Variants in NR3C2 observed in about 807,000 individuals in gnomAD.
NR3C2 encodes mineralocorticoid receptor.
In NR3C2, 15 loss-of-function variants were observed where a neutral mutation model predicts 86.4. The ratio of observed to expected loss-of-function variants is 0.17; its 90% CI spans 0.12 to 0.27. The LOEUF is 0.27. NR3C2 is among the 10% of genes least tolerant of loss of function. NR3C2 has a pLI of 1.00. For synonymous variants in NR3C2, 458 were observed against 450.5 expected, an observed-to-expected ratio of 1.02 and a Z score of -0.21; for missense variants, 960 against 1,195.6, an observed-to-expected ratio of 0.80 and a Z score of 2.91.
chr4:148,342,903 T>C (rs1744817617), intron 2 of NR3C2, among the ~76,000 whole-genome samples: 1 of 152,138 alleles, frequency 6.6e-6, no homozygotes, highest in South Asian at 2.1e-4. Context: ...AACTTCAAAG[T>C]GCCTGGAATG....
intron 2 of NR3C2, among the ~76,000 whole-genome samples, chr4:148,301,352 C>A (rs970933181): frequency 6.6e-6 from 1 of 152,046 alleles, no homozygotes; most frequent in Non-Finnish European, 1.5e-5. Flanking sequence ...GTAAAAACAA[C>A]CTTAAGATTA....
intron 6 of NR3C2, among the ~76,000 whole-genome samples, chr4:148,124,569 G>T (rs1018224928): frequency 5.3e-5 from 8 of 152,190 alleles, no homozygotes; most frequent in Admixed American, 5.2e-4. Flanking sequence ...GGTGCAGACT[G>T]ATTTTTAATT....
intron 3 of NR3C2, among the ~76,000 whole-genome samples, chr4:148,254,838 C>G (rs1407312182): frequency 6.6e-6 from 1 of 152,114 alleles, no homozygotes; most frequent in African/African-American, 2.4e-5. Flanking sequence ...TGCTCATAAG[C>G]TTCCTGTACA....
intron 3 of NR3C2, among the ~76,000 whole-genome samples, chr4:148,211,378 C>G (rs1737274896): frequency 1.3e-5 from 2 of 152,136 alleles, no homozygotes; most frequent in East Asian, 3.9e-4. Flanking sequence ...CTTTAAAAAG[C>G]TTTAGAATTT....
At chr4:148,444,955 C>A (rs968989190), upstream of NR3C2, 2 of 984,810 alleles carry the variant, frequency 2.0e-6, no homozygotes, top group African/African-American at 3.5e-5. Flanking sequence ...ACAGCTCCGG[C>A]GGCCGAGCGC....
intron 2 of NR3C2, among the ~76,000 whole-genome samples, chr4:148,270,013 C>A (rs372484083): frequency 3.2e-4 from 48 of 151,916 alleles, no homozygotes; most frequent in African/African-American, 1.1e-3. Context: ...ACGCTGAGGA[C>A]TGATGGGTAC....
At chr4:148,265,461 GTGT>G (rs1221819075) in intron 2 of NR3C2, among the ~76,000 whole-genome samples, 1 of 152,142 alleles carries the variant, frequency 6.6e-6, no homozygotes, top group Non-Finnish European at 1.5e-5. Context: ...CTAAGGCACC[GTGT>G]TGTTCCAGGA....
At chr4:148,193,701 T>G (rs1279531367) in intron 4 of NR3C2, among the ~76,000 whole-genome samples, 1 of 152,222 alleles carries the variant, frequency 6.6e-6, no homozygotes, top group Non-Finnish European at 1.5e-5. Flanking sequence ...ATCTGCAATA[T>G]GAAACCCATA....
intron 2 of NR3C2, among the ~76,000 whole-genome samples, chr4:148,411,145 C>T (rs1269851141): frequency 6.7e-6 from 1 of 150,138 alleles, no homozygotes; most frequent in Non-Finnish European, 1.5e-5. Context: ...CCACCACCCA[C>T]CACTGGCCCA....
chr4:148,122,050 C>G (rs926841457), intron 6 of NR3C2, among the ~76,000 whole-genome samples: 1 of 152,186 alleles, frequency 6.6e-6, no homozygotes, highest in Admixed American at 6.5e-5. Context: ...TACTTCACAT[C>G]CCCACCAATG....
chr4:148,387,745 T>A, intron 2 of NR3C2, among the ~76,000 whole-genome samples: 1 of 152,216 alleles, frequency 6.6e-6, no homozygotes, highest in Middle Eastern at 3.2e-3. Flanking sequence ...TCAGTAACTG[T>A]GGTAATCCCA....
chr4:148,346,931 G>C (rs1242721790), intron 2 of NR3C2, among the ~76,000 whole-genome samples: 4 of 152,054 alleles, frequency 2.6e-5, no homozygotes, highest in Admixed American at 2.6e-4. Flanking sequence ...GTCTCTGATA[G>C]AATTGTGGGG....
At chr4:148,318,517 C>T (rs1457190741) in intron 2 of NR3C2, among the ~76,000 whole-genome samples, 1 of 150,842 alleles carries the variant, frequency 6.6e-6, no homozygotes, top group Non-Finnish European at 1.5e-5. Flanking sequence ...TCCTATTTCT[C>T]CACATCCTCT....
intron 3 of NR3C2, among the ~76,000 whole-genome samples, chr4:148,246,538 G>C (rs1560998966): frequency 6.6e-6 from 1 of 151,984 alleles, no homozygotes; most frequent in Non-Finnish European, 1.5e-5. Flanking sequence ...TTAGGAGTAT[G>C]TTTAATTTTA....
At chr4:148,187,002 A>G (rs1315558936) in intron 4 of NR3C2, among the ~76,000 whole-genome samples, 25 of 21,890 alleles carry the variant, frequency 1.1e-3, no homozygotes, top group East Asian at 4.1e-3. Flanking sequence ...GTATGTATAT[A>G]TATATATATA....
At chr4:148,236,697 A>T (rs1202686999) in intron 3 of NR3C2, among the ~76,000 whole-genome samples, 1 of 152,228 alleles carries the variant, frequency 6.6e-6, no homozygotes, top group Non-Finnish European at 1.5e-5. Flanking sequence ...CATCACTGAT[A>T]AGGTATCACA....
intron 2 of NR3C2, among the ~76,000 whole-genome samples, chr4:148,380,373 A>C (rs1365852900): frequency 6.6e-6 from 1 of 152,214 alleles, no homozygotes; most frequent in Non-Finnish European, 1.5e-5. Context: ...GTTGATAGAC[A>C]TTTAGGTTGT....
intron 3 of NR3C2, among the ~76,000 whole-genome samples, chr4:148,251,554 C>G (rs908335299): frequency 2.0e-5 from 3 of 152,260 alleles, no homozygotes; most frequent in African/African-American, 7.2e-5. Flanking sequence ...GAGCTAGTAG[C>G]ATTCAGCTTT....
chr4:148,190,208 T>A (rs968641811), intron 4 of NR3C2, among the ~76,000 whole-genome samples: 3 of 152,200 alleles, frequency 2.0e-5, no homozygotes, highest in African/African-American at 7.2e-5. Context: ...GCCTCTGCTG[T>A]ATCTCAGAGG....
Sources: allele counts gnomAD v4.1 joint callset (sites outside exome capture counted in the v4.1 genomes callset), GRCh38; gene constraint gnomAD v4.1.1; transcripts MANE v1.5; gene names NCBI Gene and HGNC (gene_info 2026-07-23, HGNC 2026-07-21).